TNIK: variants seen among roughly 807,000 people sequenced by gnomAD.
TNIK encodes the protein TRAF2 and NCK interacting kinase.
Under a neutral mutation model 191.3 loss-of-function variants are expected in TNIK, and 49 were observed. The ratio of observed to expected loss-of-function variants is 0.26; its 90% CI spans 0.20 to 0.32. The LOEUF (loss-of-function observed/expected upper bound fraction) is 0.32. TNIK is among the 10% of genes least tolerant of loss of function. The pLI is 1.00. For missense variants in TNIK, 1,155 were observed against 1,702.3 expected, an observed-to-expected ratio of 0.68 and a Z score of 5.66; for synonymous variants, 594 against 600.9, an observed-to-expected ratio of 0.99 and a Z score of 0.17.
At chr3:171,191,287 G>A (rs10936672) in intron 5 of TNIK, among the ~76,000 whole-genome samples, 74,289 of 152,112 alleles carry the variant, frequency 0.49, 19,804 homozygotes, top group African/African-American at 0.71. Context: ...TTACTCTGTC[G>A]CCCAGGCTGG....
At chr3:171,113,226 TA>T (rs1302326964) in intron 18 of TNIK, among the ~76,000 whole-genome samples, 1 of 152,216 alleles carries the variant, frequency 6.6e-6, no homozygotes, top group Non-Finnish European at 1.5e-5. Context: ...GGAGTCTTTG[TA>T]TTTTTTTTTA....
chr3:171,113,806 T>A (rs1726246116), intron 18 of TNIK, among the ~76,000 whole-genome samples: 1 of 152,024 alleles, frequency 6.6e-6, no homozygotes, highest in African/African-American at 2.4e-5. Flanking sequence ...ACACAGCCTG[T>A]GCCCTCTGTG....
In TNIK at chr3:171,238,693, A is replaced by G. The variant is rs1744601889; in HGVS notation, c.124-10472T>C. On this transcript the variant is annotated intron_variant, in intron 2 of 32. Coordinates refer to ENST00000436636, the MANE Select transcript of TNIK (RefSeq NM_015028.4). ...ATGTTTTAAAAGAATTTGACATTTCATAGGTGCTCAATGAATGCTGGAGTC... is the reference window on the plus strand; with the variant it reads ...ATGTTTTAAAAGAATTTGACATTTCGTAGGTGCTCAATGAATGCTGGAGTC... 2.0e-5 allele frequency among the ~76,000 whole-genome samples: 3 copies of G among 152,230 alleles called. No individual in the cohort carries two copies. The South Asian group carries it at 6.2e-4, about 31-fold the overall frequency.
intron 2 of TNIK, among the ~76,000 whole-genome samples, chr3:171,234,569 C>G (rs1469464733): frequency 2.0e-5 from 3 of 152,172 alleles, no homozygotes; most frequent in Non-Finnish European, 2.9e-5. Context: ...CAACTGAAAG[C>G]TGAGACTTGC....
intron 21 of TNIK, 48 bp from the exon 22 acceptor site, chr3:171,101,681 A>AGCTACATCT: frequency 6.3e-7 from 1 of 1,582,686 alleles, no homozygotes; most frequent in South Asian, 1.2e-5. Context: ...ATACGACCAA[A>AGCTACATCT]GCTACATCTC....
intron 7 of TNIK, among the ~76,000 whole-genome samples, chr3:171,178,381 GTAT>G (rs1473609927): frequency 1.3e-5 from 2 of 152,138 alleles, no homozygotes; most frequent in African/African-American, 4.8e-5. Context: ...GGTACTCAAA[GTAT>G]TTGTTGAAAA....
At chr3:171,450,583 G>A (rs1481329383) in intron 1 of TNIK, among the ~76,000 whole-genome samples, 2 of 152,168 alleles carry the variant, frequency 1.3e-5, no homozygotes, top group Admixed American at 1.3e-4. Flanking sequence ...CAAGCCCTAG[G>A]CAGACAGATA....
At chr3:171,242,153 T>C (rs1317911441) in intron 2 of TNIK, among the ~76,000 whole-genome samples, 5 of 124,064 alleles carry the variant, frequency 4.0e-5, no homozygotes, top group Admixed American at 3.4e-4. Context: ...ACCCTAGAAC[T>C]TAAATTAAAA....
intron 2 of TNIK, among the ~76,000 whole-genome samples, chr3:171,292,441 A>G (rs1751783771): frequency 6.6e-6 from 1 of 152,230 alleles, no homozygotes; most frequent in Non-Finnish European, 1.5e-5. Flanking sequence ...ATCTCAGTCC[A>G]GCTCTGTTAC....
chr3:171,168,775 C>A (rs1734926739), intron 9 of TNIK, among the ~76,000 whole-genome samples: 1 of 152,210 alleles, frequency 6.6e-6, no homozygotes, highest in African/African-American at 2.4e-5. Flanking sequence ...ATCCTTGCTT[C>A]TTCCCACTGA....
At chr3:171,099,028 T>A (rs1006622323) in intron 22 of TNIK, among the ~76,000 whole-genome samples, 9 of 152,156 alleles carry the variant, frequency 5.9e-5, no homozygotes, top group African/African-American at 1.9e-4. Context: ...TACCAATCCC[T>A]TAAGAACCAT....
At chr3:171,124,944 T>A (rs978011474) in intron 17 of TNIK, among the ~76,000 whole-genome samples, 1 of 152,232 alleles carries the variant, frequency 6.6e-6, no homozygotes, top group African/African-American at 2.4e-5. Flanking sequence ...TACCCTTTTT[T>A]TTCTGATGGC....
chr3:171,311,220 T>C (rs921507097), intron 2 of TNIK, among the ~76,000 whole-genome samples: 2 of 152,184 alleles, frequency 1.3e-5, no homozygotes, highest in Non-Finnish European at 2.9e-5. Flanking sequence ...CAACTCATAA[T>C]ACATGATGAG....
intron 9 of TNIK, among the ~76,000 whole-genome samples, chr3:171,171,630 T>C (rs1735295504): frequency 6.6e-6 from 1 of 152,212 alleles, no homozygotes; most frequent in Non-Finnish European, 1.5e-5. Context: ...ATTCACTGTC[T>C]TATACTTAAT....
At position 171,082,560 on chromosome 3, in the gene TNIK, C is replaced by T. The variant is rs576573672; in HGVS notation, c.3170-166G>A. On this transcript the variant is annotated intron_variant, in intron 26 of 32. Transcript: ENST00000436636. ...AGAAGCTCTGACATAATAATTAAAT[C>T]ATTGTACTTCTGGTAATGAAATTAC... 35 of 766,248 alleles carry T rather than the reference C, an allele frequency of 4.6e-5. No homozygotes were observed. The Admixed American group carries it at 8.3e-4, about 18-fold the overall frequency. The allele number at this position is 766,248 out of a possible 1,614,324, so 47.5% of individuals were successfully genotyped here.
chr3:171,072,669 A>G (rs1265183325), intron 28 of TNIK, among the ~76,000 whole-genome samples: 2 of 152,148 alleles, frequency 1.3e-5, no homozygotes, highest in Admixed American at 6.5e-5. Context: ...TATGCCTAGA[A>G]AACCCTAAAG....
At chr3:171,064,099 TA>T (rs1459879012) in intron 32 of TNIK, 135 bp from the exon 33 acceptor site, 2 of 751,190 alleles carry the variant, frequency 2.7e-6, no homozygotes, top group Non-Finnish European at 2.2e-6. Context: ...CTTGTGTTTA[TA>T]AAGTCCCTTT....
At chr3:171,106,628 A>G (rs570490746) in intron 21 of TNIK, 1 of 523,616 alleles carries the variant, frequency 1.9e-6, no homozygotes, top group Non-Finnish European at 4.0e-6. Flanking sequence ...ACAAAGCCAT[A>G]TATTTTTCTA....
chr3:171,082,513 G>A (rs572724640), intron 26 of TNIK, 119 bp from the exon 27 acceptor site: 1 of 1,145,770 alleles, frequency 8.7e-7, no homozygotes, highest in South Asian at 1.8e-5. Flanking sequence ...GGGCAAGTAG[G>A]TAAATATAAA....
Sources: gnomAD v4.1 joint callset for allele counts (sites outside exome capture counted in the v4.1 genomes callset) on GRCh38, gnomAD v4.1.1 for gene constraint, MANE v1.5 for transcripts, NCBI Gene and HGNC (gene_info 2026-07-23, HGNC 2026-07-21) for gene names.